RASA2: variants seen among roughly 807,000 people sequenced by gnomAD.
RASA2 encodes RAS p21 protein activator 2.
A neutral mutation model predicts 118.2 loss-of-function variants in RASA2; 155 were observed. That is an observed-to-expected ratio of 1.31 (90% CI 1.15 to 1.50). The LOEUF (loss-of-function observed/expected upper bound fraction) is 1.50. Ranked by LOEUF, RASA2 falls within the 40% of genes most tolerant of loss-of-function variation. The pLI, the probability that RASA2 is intolerant of heterozygous loss-of-function variation, is 0.00. For missense variants in RASA2, 1,016 were observed against 1,009.6 expected (o/e 1.01, Z -0.09); for synonymous variants, 353 against 349.1 (o/e 1.01, Z -0.12).
intron 3 of RASA2, among the ~76,000 whole-genome samples, chr3:141,519,563 T>C (rs1369102731): frequency 6.6e-6 from 1 of 152,248 alleles, no homozygotes; most frequent in Non-Finnish European, 1.5e-5. Context: ...TTTATTGTTA[T>C]CTGCCTCTGT....
intron 19 of RASA2, among the ~76,000 whole-genome samples, chr3:141,587,796 T>A (rs1021829639): frequency 5.9e-5 from 9 of 151,920 alleles, no homozygotes; most frequent in African/African-American, 2.2e-4. Flanking sequence ...AGTATCTAGA[T>A]GACAGATCAC....
intron 4 of RASA2, among the ~76,000 whole-genome samples, chr3:141,532,683 T>C (rs938667257): frequency 1.3e-5 from 2 of 152,188 alleles, no homozygotes; most frequent in Non-Finnish European, 2.9e-5. Flanking sequence ...TGTTTGTTTT[T>C]GGTTGACTAC....
chr3:141,553,840 C>T lies in RASA2; in HGVS notation c.528-17C>T. 1.2e-6 allele frequency: 2 copies of T among 1,600,208 alleles called. No homozygotes were observed. Among genetic ancestry groups the T allele is most frequent in the Non-Finnish European group, 1.7e-6 (2 of 1,174,932 alleles). The stretch of plus-strand genomic sequence containing the variant: ...AACTGGAATCTAATATGTTAAATCT[C>T]TTTTATTCTACCTTAGCATCAAGGC... On this transcript the variant is annotated splice_polypyrimidine_tract_variant and intron_variant, in intron 5 of 23. Coordinates refer to ENST00000286364, the MANE Select transcript of RASA2 (RefSeq NM_006506.5).
chr3:141,579,394 C>T (rs964240974), intron 15 of RASA2: 2 of 152,014 alleles, frequency 1.3e-5, no homozygotes, highest in Non-Finnish European at 2.9e-5. Flanking sequence ...GAGGGAACAC[C>T]GTTTAGTCAA....
intron 3 of RASA2, among the ~76,000 whole-genome samples, chr3:141,517,306 C>G (rs1218088660): frequency 6.6e-6 from 1 of 152,152 alleles, no homozygotes; most frequent in Non-Finnish European, 1.5e-5. Flanking sequence ...TAAAGACATA[C>G]CTGAGACTGG....
intron 1 of RASA2, among the ~76,000 whole-genome samples, chr3:141,487,654 A>G (rs984326929): frequency 6.6e-6 from 1 of 151,348 alleles, no homozygotes; most frequent in Non-Finnish European, 1.5e-5. Context: ...AGCAGTAATT[A>G]TACGGAGGCG....
chr3:141,609,781 C>T (rs1455932068), intron 22 of RASA2, 96 bp from the exon 23 acceptor site: 1 of 1,156,938 alleles, frequency 8.6e-7, no homozygotes, highest in Non-Finnish European at 1.2e-6. Context: ...GAAATCCCCT[C>T]AGCATAAGAC....
At chr3:141,530,177 T>C (rs907765360) in intron 4 of RASA2, among the ~76,000 whole-genome samples, 4 of 152,202 alleles carry the variant, frequency 2.6e-5, no homozygotes, top group Non-Finnish European at 5.9e-5. Flanking sequence ...GTCTTGATTC[T>C]CTGTTTACTC....
chr3:141,514,655 C>T (rs910016448), intron 2 of RASA2, among the ~76,000 whole-genome samples: 1 of 152,162 alleles, frequency 6.6e-6, no homozygotes, highest in South Asian at 2.1e-4. Flanking sequence ...ACACATTCAC[C>T]TGCCTTTTAA....
At chr3:141,533,941 C>T (rs1348081690) in intron 4 of RASA2, among the ~76,000 whole-genome samples, 1 of 152,136 alleles carries the variant, frequency 6.6e-6, no homozygotes, top group Non-Finnish European at 1.5e-5. Flanking sequence ...CTTACTTGAT[C>T]TTTGAGCAGC....
chr3:141,562,617 G>T (rs1320270052), intron 9 of RASA2, among the ~76,000 whole-genome samples: 1 of 148,812 alleles, frequency 6.7e-6, no homozygotes, highest in South Asian at 2.2e-4. Flanking sequence ...GCGAGACTCC[G>T]TCTCAAAAAA....
intron 2 of RASA2, among the ~76,000 whole-genome samples, chr3:141,513,820 T>C (rs568211691): frequency 4.6e-5 from 7 of 152,356 alleles, no homozygotes; most frequent in African/African-American, 1.7e-4. Flanking sequence ...AGATACTGCA[T>C]TTCATAGCGA....
chr3:141,561,847 GA>G (rs1310060094), intron 9 of RASA2, among the ~76,000 whole-genome samples: 5 of 152,180 alleles, frequency 3.3e-5, no homozygotes, highest in African/African-American at 4.8e-5. Context: ...CTTTTCAACA[GA>G]AGCACTTTAT....
At chr3:141,606,031 A>T (rs971496516) in intron 19 of RASA2, among the ~76,000 whole-genome samples, 1 of 152,136 alleles carries the variant, frequency 6.6e-6, no homozygotes, top group Admixed American at 6.5e-5. Flanking sequence ...GCTTAGCACA[A>T]ACCTGGGAAT....
intron 3 of RASA2, among the ~76,000 whole-genome samples, chr3:141,522,706 G>A (rs2082129160): frequency 6.6e-6 from 1 of 152,052 alleles, no homozygotes; most frequent in African/African-American, 2.4e-5. Context: ...CTTGAGATGC[G>A]GGGCAACTGC....
intron 19 of RASA2, among the ~76,000 whole-genome samples, chr3:141,588,840 TA>T: frequency 1.3e-5 from 2 of 151,200 alleles, no homozygotes. Flanking sequence ...GATAGCTTTT[TA>T]TTTTTATTTT....
At chr3:141,572,848 T>C (rs897958065) in intron 12 of RASA2, 125 bp downstream of exon 12, 16 of 756,556 alleles carry the variant, frequency 2.1e-5, no homozygotes, top group Non-Finnish European at 3.2e-5. Flanking sequence ...CTGAACACTT[T>C]AGAAGCAAAT....
intron 9 of RASA2, among the ~76,000 whole-genome samples, chr3:141,565,367 TGACCAAAGTATCAATTGTCAG>T (rs2082803134): frequency 6.6e-6 from 1 of 152,224 alleles, no homozygotes; most frequent in Non-Finnish European, 1.5e-5. Flanking sequence ...TGTGAAAAAT[TGACCAAAGTATCAATTGTCAG>T]GATGCTTGGT....
chr3:141,577,092 C>T lies in RASA2; in HGVS notation c.1576C>T (p.Arg526Ter), dbSNP rs756541842. 1.2e-5 allele frequency: 19 copies of T among 1,593,972 alleles called. No individual in the cohort carries two copies. The highest frequency in any genetic ancestry group is 2.2e-5 in the South Asian group (2 of 89,808). The change falls in exon 15 of 24, where the codon CGA (arginine) becomes TGA (stop). Residue 526 changes from arginine to a stop codon, truncating the protein, a stop_gained. Transcript: ENST00000286364. LOFTEE classifies it high-confidence loss of function. The stretch of plus-strand genomic sequence containing the variant: ...AGTATCACCTCATACTTTTCATTTG[C>T]GACCTCATCATCCAGTAAGTGTTCA... Reference protein sequence around the residue: ...AVVSPHTFHLRPHHPDAQTIR... With the variant: ...AVVSPHTFHL
Sources: gnomAD v4.1 joint callset for allele counts (sites outside exome capture counted in the v4.1 genomes callset) on GRCh38, gnomAD v4.1.1 for gene constraint, MANE v1.5 for transcripts, NCBI Gene and HGNC (gene_info 2026-07-23, HGNC 2026-07-21) for gene names.